The following PCDHGA10 variants were observed in gnomAD, a reference collection of about 807,000 sequenced individuals.
PCDHGA10 encodes protocadherin gamma subfamily A, 10.
PCDHGA10 carries 42 observed loss-of-function variants against 59.5 expected under a neutral mutation model. The observed-to-expected ratio is 0.71, with a 90% CI of 0.55 to 0.91. PCDHGA10 has a LOEUF of 0.91. Among genes scored for constraint, PCDHGA10 ranks in the 40% least tolerant of loss-of-function variants. PCDHGA10 has a pLI of 0.00. For synonymous variants in PCDHGA10, 511 were observed against 517.2 expected, an observed-to-expected ratio of 0.99 and a Z score of 0.16; for missense variants, 1,111 against 1,198.2, an observed-to-expected ratio of 0.93 and a Z score of 1.07.
chr5:141,456,043 G>A (rs62379189), intron 1 of PCDHGA10, among the ~76,000 whole-genome samples: 6,917 of 151,746 alleles, frequency 0.046, 202 homozygotes, highest in Middle Eastern at 0.086. Flanking sequence ...GACTACAGGC[G>A]CCCACCACCA....
chr5:141,484,591 T>C (rs2099597977), intron 1 of PCDHGA10, among the ~76,000 whole-genome samples: 1 of 152,020 alleles, frequency 6.6e-6, no homozygotes, highest in African/African-American at 2.4e-5. Flanking sequence ...AAGCTACTCA[T>C]TTAGAATACT....
chr5:141,511,443 C>A lies in PCDHGA10; in HGVS notation c.*270C>A. On this transcript the variant is annotated 3_prime_UTR_variant, in exon 4 of 4. Coordinates refer to ENST00000398610, the MANE Select transcript of PCDHGA10 (RefSeq NM_018913.3). ...GGGGTAGTGGGGTTACTGTAGACAC[C>A]AAGAACCATTTGCCACACCCCGTTT... 1 of 670,886 alleles carries A rather than the reference C, an allele frequency of 1.5e-6. No homozygotes were observed. Among genetic ancestry groups the A allele is most frequent in the Non-Finnish European group, 2.4e-6 (1 of 421,442 alleles). 41.6% of individuals were successfully genotyped at this position (670,886 alleles called of 1,614,324 possible).
chr5:141,439,579 G>A (rs980322898), intron 1 of PCDHGA10, among the ~76,000 whole-genome samples: 6 of 152,148 alleles, frequency 3.9e-5, no homozygotes, highest in African/African-American at 1.4e-4. Context: ...GGGACTCAGA[G>A]TGCCACTGTT....
chr5:141,426,817 C>G (rs942714141), intron 1 of PCDHGA10: 4 of 456,594 alleles, frequency 8.8e-6, no homozygotes, highest in Non-Finnish European at 1.8e-5. Flanking sequence ...GAACATTTCT[C>G]TCTGATGATG....
chr5:141,439,190 CA>C (rs200519543), intron 1 of PCDHGA10, among the ~76,000 whole-genome samples: 2,445 of 111,432 alleles, frequency 0.022, 39 homozygotes, highest in African/African-American at 0.057. Flanking sequence ...GAGACTCTGA[CA>C]AAAAAAAAAA....
At chr5:141,447,084 T>A (rs2098525776) in intron 1 of PCDHGA10, among the ~76,000 whole-genome samples, 1 of 152,186 alleles carries the variant, frequency 6.6e-6, no homozygotes, top group Non-Finnish European at 1.5e-5. Flanking sequence ...TTTTGTTGTT[T>A]AATTTTCTTT....
intron 2 of PCDHGA10, among the ~76,000 whole-genome samples, chr5:141,499,528 G>T (rs961802549): frequency 1.3e-5 from 2 of 152,142 alleles, no homozygotes; most frequent in African/African-American, 2.4e-5. Context: ...AAAGTAGAGA[G>T]AATGGTGTCA....
rs552017054 is a variant in PCDHGA10 at position 141,425,594 on chromosome 5, A to G, written c.2436+9983A>G. On this transcript the variant is annotated intron_variant, in intron 1 of 3. Transcript: ENST00000398610. ...GGGTTTGGCTAACTTTATTCTGAAT[A>G]TGCCCTATATAGCTTTCAGTGCTCC... 2.6e-5 allele frequency among the ~76,000 whole-genome samples: 4 copies of G among 152,370 alleles called. No homozygotes were observed. In the South Asian group the frequency reaches 8.3e-4, roughly 32 times the overall value.
intron 1 of PCDHGA10, chr5:141,424,304 C>T (rs909355692): frequency 2.0e-5 from 3 of 152,464 alleles, no homozygotes; most frequent in Admixed American, 2.0e-4. Flanking sequence ...CCTATCAACA[C>T]AGACATATTG....
rs1467125550 is a variant in PCDHGA10 at position 141,511,799 on chromosome 5, T to G, written c.*626T>G. 6.4e-6 allele frequency: 1 copy of G among 157,228 alleles called. No homozygotes were observed. The highest frequency in any genetic ancestry group is 1.4e-5 in the Non-Finnish European group (1 of 70,874). 9.7% of individuals were successfully genotyped at this position (157,228 alleles called of 1,614,324 possible). ...TGCTTGCTGGATTTAGGGAGGGCAT[T>G]TTGCTACCAAGCCTCTTCCCAACGC... On this transcript the variant is annotated 3_prime_UTR_variant, in exon 4 of 4. Coordinates refer to ENST00000398610, the MANE Select transcript of PCDHGA10 (RefSeq NM_018913.3).
At chr5:141,421,633 G>A (rs1369645749) in intron 1 of PCDHGA10, 3 of 1,613,834 alleles carry the variant, frequency 1.9e-6, no homozygotes, top group Non-Finnish European at 2.5e-6. Context: ...CAGCTTCCAG[G>A]AGGACGAAGT....
intron 1 of PCDHGA10, chr5:141,441,502 T>G (rs2098250414): frequency 5.8e-6 from 1 of 173,754 alleles, no homozygotes; most frequent in African/African-American, 2.4e-5. Context: ...CTACCAGGCC[T>G]CCTACGTCGT....
chr5:141,500,554 C>A (rs2099801320), intron 2 of PCDHGA10, among the ~76,000 whole-genome samples: 1 of 152,212 alleles, frequency 6.6e-6, no homozygotes, highest in Admixed American at 6.5e-5. Context: ...AAGTTGTTCA[C>A]AAACTTGTCA....
intron 1 of PCDHGA10, among the ~76,000 whole-genome samples, chr5:141,448,706 C>T (rs1344013319): frequency 1.3e-5 from 2 of 151,730 alleles, no homozygotes; most frequent in African/African-American, 2.4e-5. Flanking sequence ...TTTGGGAGGC[C>T]GAGGCGGGAG....
Position 141,491,900 on chromosome 5 carries a change from G to T in PCDHGA10, c.2437-2907G>T. The T allele has an allele frequency of 7.0e-7, 1 of 1,429,936 alleles. No homozygotes were observed. The highest frequency in any genetic ancestry group is 1.5e-5 in the South Asian group (1 of 67,072). 88.6% of individuals were successfully genotyped at this position (1,429,936 alleles called of 1,614,324 possible). A position where few individuals can be genotyped will look rare whatever the true frequency, so the allele number is the denominator to read the frequency against. ...TAAGGGATGGGGCTCCGAGCACCGG[G>T]GGTGGTGGCGACTGTGGGCGAGGGG... On this transcript the variant is annotated intron_variant, in intron 1 of 3. Transcript: ENST00000398610. This position sits in a 1 kb window ranked among gnomAD's most constrained non-coding sequence, Gnocchi z 6.9.
At chr5:141,447,371 C>G (rs1180989888) in intron 1 of PCDHGA10, among the ~76,000 whole-genome samples, 1 of 151,826 alleles carries the variant, frequency 6.6e-6, no homozygotes, top group African/African-American at 2.4e-5. Context: ...ACTCCTGACC[C>G]TGGTGATCTG....
chr5:141,422,400 G>A (rs1207332302), intron 1 of PCDHGA10: 3 of 1,598,664 alleles, frequency 1.9e-6, no homozygotes, highest in South Asian at 2.3e-5. Context: ...CTAACCACCT[G>A]CCTTTTAAAT....
At chr5:141,497,969 C>T (rs1595499086) in intron 2 of PCDHGA10, among the ~76,000 whole-genome samples, 1 of 152,160 alleles carries the variant, frequency 6.6e-6, no homozygotes. Flanking sequence ...GCAGTGTTCT[C>T]GATGTGGGAG....
chr5:141,487,889 T>C lies in PCDHGA10; in HGVS notation c.2437-6918T>C, dbSNP rs984668596. On this transcript the variant is annotated intron_variant, in intron 1 of 3. Transcript: ENST00000398610. The surrounding 1 kb of genome is among the most constrained non-coding windows in gnomAD (Gnocchi z 5.0). ...CAAGAGCCAGGCTGTTGTGGAAGCA[T>C]GATGATGGAATGTGGGAGCACAGGA... 6.7e-6 allele frequency: 5 copies of C among 747,180 alleles called. No homozygotes were observed. The highest frequency in any genetic ancestry group is 1.1e-5 in the Non-Finnish European group (5 of 464,054). The allele number at this position is 747,180 out of a possible 1,614,324, so 46.3% of individuals were successfully genotyped here. A position where few individuals can be genotyped will look rare whatever the true frequency, so the allele number is the denominator to read the frequency against.
Sources: gnomAD v4.1 joint callset for allele counts (sites outside exome capture counted in the v4.1 genomes callset) on GRCh38, gnomAD v4.1.1 for gene constraint, Gnocchi (gnomAD v3.1) non-coding constraint, MANE v1.5 for transcripts, NCBI Gene and HGNC (gene_info 2026-07-23, HGNC 2026-07-21) for gene names.